Variants in MFAP1 observed in about 807,000 individuals in gnomAD.
MFAP1 encodes microfibril associated protein 1.
In MFAP1, 18 loss-of-function variants were observed where a neutral mutation model predicts 62.2. The ratio of observed to expected loss-of-function variants is 0.29; its 90% CI spans 0.20 to 0.43. The LOEUF (loss-of-function observed/expected upper bound fraction) is 0.43, where lower values mean the gene tolerates loss of function less well. MFAP1 is among the 20% of genes least tolerant of loss of function. MFAP1 has a pLI of 1.00. For missense variants in MFAP1, 355 were observed against 559.7 expected (o/e 0.63, Z 3.69); for synonymous variants, 175 against 180.4 (o/e 0.97, Z 0.24).
chr15:43,814,786 T>G (rs1276866117), intron 3 of MFAP1, 98 bp from the exon 4 acceptor site: 1 of 1,496,326 alleles, frequency 6.7e-7, no homozygotes, highest in Non-Finnish European at 9.1e-7. Context: ...AGATACAACT[T>G]AGTATCATTC....
chr15:43,809,676 A>T, intron 7 of MFAP1, 79 bp downstream of exon 7: 1 of 1,519,150 alleles, frequency 6.6e-7, no homozygotes, highest in East Asian at 2.3e-5. Flanking sequence ...ATTCCAGAAT[A>T]TTCTTGAAGA....
chr15:43,818,858 C>T (rs1567177659), intron 1 of MFAP1, among the ~76,000 whole-genome samples: 1 of 152,102 alleles, frequency 6.6e-6, no homozygotes, highest in Non-Finnish European at 1.5e-5. Context: ...AAGGCACTCA[C>T]TTTAGCCTGA....
chr15:43,809,948 T>C lies in MFAP1; in HGVS notation c.888-34A>G, dbSNP rs774534402. 9.3e-6 allele frequency: 15 copies of C among 1,611,132 alleles called. 1 individual carries two copies. The South Asian group carries it at 1.6e-4, about 18-fold the overall frequency. On this transcript the variant is annotated intron_variant, in intron 6 of 8. Coordinates refer to ENST00000267812, the MANE Select transcript of MFAP1 (RefSeq NM_005926.3). The stretch of plus-strand genomic sequence containing the variant: ...GGAGCAAAACAATTTATTGGTACTG[T>C]TACAGCTTCAGAAAGACCAAATTAT...
rs1168353675 is a variant in MFAP1 at position 43,824,502 on chromosome 15, C to A, written c.68G>T (p.Arg23Leu). The A allele has an allele frequency of 6.2e-7, 1 of 1,614,090 alleles. No individual in the cohort carries two copies. Among genetic ancestry groups the A allele is most frequent in the Admixed American group, 1.7e-5 (1 of 59,990 alleles). Reference sequence around the variant, plus strand: ...TGTTAGCACCGTACCTTTCTCATTGCGAACTGGGACGGCCCCAGCCGTAGA... The same window carrying A: ...TGTTAGCACCGTACCTTTCTCATTGAGAACTGGGACGGCCCCAGCCGTAGA... ...IQSTAGAVPV[R>L]NEKGEISMEK... The change falls in exon 1 of 9, where the codon CGC becomes CTC. Residue 23 changes from arginine (R) to leucine (L), a missense_variant. Transcript: ENST00000267812.
intron 1 of MFAP1, among the ~76,000 whole-genome samples, chr15:43,819,933 G>A (rs1250090612): frequency 6.6e-6 from 1 of 152,128 alleles, no homozygotes; most frequent in Non-Finnish European, 1.5e-5. Context: ...GGATCACAAC[G>A]TCAGGAAATT....
At chr15:43,808,884 G>C (rs1200087808) in intron 7 of MFAP1, among the ~76,000 whole-genome samples, 2 of 152,130 alleles carry the variant, frequency 1.3e-5, no homozygotes, top group African/African-American at 2.4e-5. Context: ...AACCATACAG[G>C]GTTAACAGAT....
chr15:43,815,112 T>C (rs1416549031), intron 2 of MFAP1, 38 bp from the exon 3 acceptor site: 1 of 1,611,662 alleles, frequency 6.2e-7, no homozygotes, highest in South Asian at 1.1e-5. Context: ...ACCAATGTCA[T>C]AAAAATGAAG....
Position 43,820,793 on chromosome 15 carries a change from A to G in MFAP1, c.80-3345T>C, listed in dbSNP as rs976559879. Among the ~76,000 whole-genome samples, 9 of 152,122 alleles carry G rather than the reference A, an allele frequency of 5.9e-5. No homozygotes were observed. The East Asian group carries it at 1.7e-3, about 30-fold the overall frequency. On this transcript the variant is annotated intron_variant, in intron 1 of 8. Coordinates refer to ENST00000267812, the MANE Select transcript of MFAP1 (RefSeq NM_005926.3). ...TCTAATTTTTAAAATTTTTTTGTAC[A>G]GACGAGGTCTCACTATGCTGCCCAT...
At position 43,814,960 on chromosome 15, in the gene MFAP1, C is replaced by T; in HGVS notation, c.414G>A (p.Glu138=). 6.2e-7 allele frequency: 1 copy of T among 1,614,022 alleles called. No individual in the cohort carries two copies. Among genetic ancestry groups the T allele is most frequent in the African/African-American group, 1.3e-5 (1 of 75,022 alleles). ...TTTATCATACCTCATCATCAATTTC[C>T]TCCTCCTCTTCTTCACTGCTGTCTT... is the stretch of plus-strand genomic sequence containing the variant. ...EREDSSEEEE[E]EIDDEEIERR... Residue 138 remains glutamate (E), a synonymous_variant, in exon 3 of 9, where the codon GAG becomes GAA. Coordinates refer to ENST00000267812, the MANE Select transcript of MFAP1 (RefSeq NM_005926.3).
intron 2 of MFAP1, among the ~76,000 whole-genome samples, chr15:43,816,879 G>C (rs1366646800): frequency 2.0e-5 from 3 of 152,120 alleles, no homozygotes; most frequent in African/African-American, 7.2e-5. Context: ...ATTTACCAAA[G>C]TTTATAAAAC....
chr15:43,815,089 C>G lies in MFAP1; in HGVS notation c.300-15G>C. ...GTCGAGCCAATCTGAAAAACAGTAT[C>G]TCCAAATGTAACACCAATGTCATAA... is the stretch of plus-strand genomic sequence containing the variant. On this transcript the variant is annotated splice_polypyrimidine_tract_variant and intron_variant, in intron 2 of 8. Transcript: ENST00000267812. 2 of 1,613,840 alleles carry G rather than the reference C, an allele frequency of 1.2e-6. No individual in the cohort carries two copies. Among genetic ancestry groups the G allele is most frequent in the Non-Finnish European group, 1.7e-6 (2 of 1,179,908 alleles).
chr15:43,811,193 T>A lies in MFAP1; in HGVS notation c.888-1279A>T, dbSNP rs549876932. ...ACTTTGGGAGGCCGAGGTGGGTGGA[T>A]CACCTGAAGTCAGGAGTTCAAGGCC... On this transcript the variant is annotated intron_variant, in intron 6 of 8. Coordinates refer to ENST00000267812, the MANE Select transcript of MFAP1 (RefSeq NM_005926.3). Among the ~76,000 whole-genome samples the A allele has an allele frequency of 5.6e-3, 842 of 150,778 alleles. 12 individuals carry two copies. The highest frequency in any genetic ancestry group is 0.02 in the African/African-American group (808 of 41,260).
Position 43,815,087 on chromosome 15 carries a change from A to T in MFAP1, c.300-13T>A, listed in dbSNP as rs566926725. On this transcript the variant is annotated splice_polypyrimidine_tract_variant and intron_variant, in intron 2 of 8. Transcript: ENST00000267812. ...ATGTCGAGCCAATCTGAAAAACAGT[A>T]TCTCCAAATGTAACACCAATGTCAT... 1 of 1,613,940 alleles carries T rather than the reference A, an allele frequency of 6.2e-7. No homozygotes were observed. Among genetic ancestry groups the T allele is most frequent in the South Asian group, 1.1e-5 (1 of 91,056 alleles).
At chr15:43,805,616 CT>C (rs370997109) in intron 7 of MFAP1, 151 bp from the exon 8 acceptor site, 47,107 of 471,796 alleles carry the variant, frequency 0.1, no homozygotes, top group South Asian at 0.14. Context: ...AGATGACATT[CT>C]TTTTTTTTTT....
chr15:43,806,439 A>T (rs1207549625), intron 7 of MFAP1, among the ~76,000 whole-genome samples: 3 of 152,234 alleles, frequency 2.0e-5, no homozygotes, highest in Non-Finnish European at 2.9e-5. Context: ...CAGTTGCCAC[A>T]TCTTACAAAC....
intron 6 of MFAP1, 126 bp downstream of exon 6, chr15:43,812,861 C>T (rs2087410333): frequency 4.3e-6 from 5 of 1,154,254 alleles, no homozygotes; most frequent in Non-Finnish European, 6.1e-6. Flanking sequence ...ATAGGAAACT[C>T]ACAAAGCAAC....
chr15:43,817,528 C>T (rs563514405), intron 1 of MFAP1, 80 bp from the exon 2 acceptor site: 113 of 1,374,482 alleles, frequency 8.2e-5, no homozygotes, highest in Admixed American at 4.0e-4. Context: ...GCAAATAGAG[C>T]CCTTTATTCA....
intron 2 of MFAP1, 107 bp from the exon 3 acceptor site, chr15:43,815,181 G>A: frequency 7.1e-7 from 1 of 1,406,162 alleles, no homozygotes; most frequent in Non-Finnish European, 9.6e-7. Context: ...CATTAATACT[G>A]AAGTTTTTTT....
Position 43,805,369 on chromosome 15 carries a change from C to T in MFAP1, c.1137+7G>A. On this transcript the variant is annotated splice_region_variant and intron_variant, in intron 8 of 8. Transcript: ENST00000267812. The stretch of plus-strand genomic sequence containing the variant: ...TTTCTCTGTCATGTTATTAAGGTTC[C>T]CCATACCTGCATGACTTTAGGAAGA... 2 of 1,610,140 alleles carry T rather than the reference C, an allele frequency of 1.2e-6. No homozygotes were observed. The highest frequency in any genetic ancestry group is 1.7e-6 in the Non-Finnish European group (2 of 1,178,804).
Sources: gnomAD v4.1 joint callset for allele counts (sites outside exome capture counted in the v4.1 genomes callset) on GRCh38, gnomAD v4.1.1 for gene constraint, MANE v1.5 for transcripts, NCBI Gene and HGNC (gene_info 2026-07-23, HGNC 2026-07-21) for gene names.